Variants in CCDC12 observed in about 807,000 individuals in gnomAD.
CCDC12 encodes the protein coiled-coil domain-containing protein 12.
CCDC12 carries 28 observed loss-of-function variants against 25.7 expected under a neutral mutation model. That is an observed-to-expected ratio of 1.09 (90% confidence interval 0.81 to 1.50). The LOEUF (loss-of-function observed/expected upper bound fraction) is 1.50, where lower values mean the gene tolerates loss of function less well. Among genes scored for constraint, CCDC12 ranks in the 40% most tolerant of loss-of-function variants. The pLI, the probability that CCDC12 is intolerant of heterozygous loss-of-function variation, is 0.00. For missense variants in CCDC12, 198 were observed against 210.0 expected, an observed-to-expected ratio of 0.94 and a Z score of 0.35; for synonymous variants, 75 against 87.7, an observed-to-expected ratio of 0.86 and a Z score of 0.81.
intron 1 of CCDC12, among the ~76,000 whole-genome samples, chr3:46,973,789 T>C (rs2034882925): frequency 6.6e-6 from 1 of 151,980 alleles, no homozygotes; most frequent in Admixed American, 6.5e-5. Flanking sequence ...ATTTTTTGTA[T>C]TTTTAATAGA....
upstream of CCDC12, among the ~76,000 whole-genome samples, chr3:46,978,853 C>G (rs1379738525): frequency 6.6e-6 from 1 of 152,086 alleles, no homozygotes; most frequent in Non-Finnish European, 1.5e-5. Context: ...CCTGGTGACA[C>G]GCGCCTGTAG....
chr3:46,976,484 G>A (rs760594030), intron 1 of CCDC12, 153 bp downstream of exon 1: 39 of 1,435,588 alleles, frequency 2.7e-5, no homozygotes, highest in Admixed American at 1.7e-4. Context: ...CAGACATCGT[G>A]GGAGGGCGCC....
intron 2 of CCDC12, among the ~76,000 whole-genome samples, chr3:46,938,162 T>C (rs1230464731): frequency 6.7e-6 from 1 of 148,572 alleles, no homozygotes; most frequent in Non-Finnish European, 1.5e-5. Flanking sequence ...CCCAATTCAA[T>C]GTCCAGCATG....
intron 6 of CCDC12, 41 bp downstream of exon 6, chr3:46,922,194 AC>A (rs1165877159): frequency 1.2e-6 from 2 of 1,614,008 alleles, no homozygotes; most frequent in South Asian, 2.2e-5. Context: ...TTGGGCCACC[AC>A]CCAGTGGGCA....
At chr3:46,948,346 G>A (rs57313197) in intron 1 of CCDC12, among the ~76,000 whole-genome samples, 10,435 of 152,234 alleles carry the variant, frequency 0.069, 1,200 homozygotes, top group African/African-American at 0.23. Flanking sequence ...AGCGCTGAGC[G>A]GGAGGCTGGG....
chr3:46,976,337 A>G (rs1057351829), intron 1 of CCDC12: 7 of 1,300,362 alleles, frequency 5.4e-6, no homozygotes, highest in Admixed American at 7.0e-5. Context: ...ACCTACAGGC[A>G]GCCCTAGATA....
rs149729715 is a variant in CCDC12, at chr3:46,962,539, A to T, written c.96+14098T>A. On this transcript the variant is annotated intron_variant, in intron 1 of 6. Coordinates refer to ENST00000683445, the MANE Select transcript of CCDC12 (RefSeq NM_001277074.2). ...CACATACACAGAACAAAGGACACAT[A>T]AGGAACTTCTAGAAATCAATAGGAA... is the stretch of plus-strand genomic sequence containing the variant. 7.0e-3 allele frequency among the ~76,000 whole-genome samples: 1,061 copies of T among 152,252 alleles called. 14 individuals carry two copies. The highest frequency in any genetic ancestry group is 0.024 in the African/African-American group (1,006 of 41,544).
intron 1 of CCDC12, among the ~76,000 whole-genome samples, chr3:46,946,861 C>G (rs2033927765): frequency 1.3e-5 from 2 of 152,128 alleles, no homozygotes; most frequent in Non-Finnish European, 2.9e-5. Flanking sequence ...GAGGAATAAG[C>G]CCCTCCCTCT....
intron 1 of CCDC12, among the ~76,000 whole-genome samples, chr3:46,966,838 G>C (rs1449124517): frequency 2.0e-5 from 3 of 152,142 alleles, no homozygotes; most frequent in African/African-American, 7.2e-5. Flanking sequence ...GAAACAGCTG[G>C]ACCAAGCTCA....
At chr3:46,939,446 G>C (rs2033605276) in intron 2 of CCDC12, among the ~76,000 whole-genome samples, 1 of 151,962 alleles carries the variant, frequency 6.6e-6, no homozygotes. Context: ...TCCAGTTTTT[G>C]AGAAACTAAG....
intron 1 of CCDC12, among the ~76,000 whole-genome samples, chr3:46,949,202 G>T (rs779598616): frequency 4.6e-5 from 7 of 152,164 alleles, no homozygotes; most frequent in Non-Finnish European, 1.0e-4. Flanking sequence ...TTTTTGGGTG[G>T]CATTAAGAGG....
At chr3:46,952,651 T>C (rs770056342) in intron 1 of CCDC12, among the ~76,000 whole-genome samples, 4 of 152,244 alleles carry the variant, frequency 2.6e-5, no homozygotes, top group Non-Finnish European at 4.4e-5. Flanking sequence ...CGAACCCAAA[T>C]GTCACTCTTC....
chr3:46,921,819 C>A lies in CCDC12; in HGVS notation c.*238G>T, dbSNP rs2032690956. The stretch of plus-strand genomic sequence containing the variant: ...ACATATATACAGACATATGTACATC[C>A]ACATGTGCAGACACAGGCACGCCCA... On this transcript the variant is annotated 3_prime_UTR_variant, in exon 7 of 7. Transcript: ENST00000683445. The A allele has an allele frequency of 1.2e-5, 7 of 585,716 alleles. No homozygotes were observed. The highest frequency in any genetic ancestry group is 2.1e-5 in the Non-Finnish European group (7 of 327,812). 36.3% of individuals were successfully genotyped at this position (585,716 alleles called of 1,614,324 possible).
At chr3:46,957,670 G>A (rs904890472) in intron 1 of CCDC12, among the ~76,000 whole-genome samples, 1 of 152,104 alleles carries the variant, frequency 6.6e-6, no homozygotes, top group Non-Finnish European at 1.5e-5. Context: ...CCAGGGCGGC[G>A]GTGGCTCATG....
At position 46,954,436 on chromosome 3, in the gene CCDC12, A is replaced by G. The variant is rs537153550; in HGVS notation, c.97-13371T>C. On this transcript the variant is annotated intron_variant, in intron 1 of 6. Transcript: ENST00000683445. ...TGATACCCTTTCGCCTCCCACACACACCCTAGTCCCATGGCCCTGTTTACA... is the reference window on the plus strand; with the variant it reads ...TGATACCCTTTCGCCTCCCACACACGCCCTAGTCCCATGGCCCTGTTTACA... Among the ~76,000 whole-genome samples, 10 of 152,130 alleles carry G rather than the reference A, an allele frequency of 6.6e-5. No individual in the cohort carries two copies. The East Asian group carries it at 1.9e-3, about 29-fold the overall frequency.
At position 46,940,994 on chromosome 3, in the gene CCDC12, T is replaced by G; in HGVS notation, c.164+4A>C. 6.2e-7 allele frequency: 1 copy of G among 1,613,910 alleles called. No homozygotes were observed. On this transcript the variant is annotated splice_donor_region_variant and intron_variant, in intron 2 of 6. Coordinates refer to ENST00000683445, the MANE Select transcript of CCDC12 (RefSeq NM_001277074.2). ...CAGACCCTGGAGCTGCACACGGGCA[T>G]TACCTGTGCTTCTCGCCTTCTTCCT...
At chr3:46,944,560 C>T (rs1466272) in intron 1 of CCDC12, among the ~76,000 whole-genome samples, 142,304 of 151,818 alleles carry the variant, frequency 0.94, 67,417 homozygotes, top group East Asian at 1. Flanking sequence ...CCCCACTCCC[C>T]ACTCAATACC....
chr3:46,921,986 GC>G lies in CCDC12; in HGVS notation c.*70del. On this transcript the variant is annotated 3_prime_UTR_variant, in exon 7 of 7. Transcript: ENST00000683445. ...CAAACTGGAGGTGATGGCAAGCCTA[GC>G]CCCCATCCCTGCCCAAGACCATCCT... 4.6e-6 allele frequency: 7 copies of G among 1,533,712 alleles called. No homozygotes were observed. The South Asian group carries it at 8.0e-5, about 17-fold the overall frequency.
intron 1 of CCDC12, among the ~76,000 whole-genome samples, chr3:46,972,589 A>G (rs2034836717): frequency 6.6e-6 from 1 of 152,146 alleles, no homozygotes; most frequent in Non-Finnish European, 1.5e-5. Context: ...CAAAACCACA[A>G]TGGGATACCA....
Sources: gnomAD v4.1 joint callset for allele counts (sites outside exome capture counted in the v4.1 genomes callset) on GRCh38, gnomAD v4.1.1 for gene constraint, MANE v1.5 for transcripts, NCBI Gene and HGNC (gene_info 2026-07-23, HGNC 2026-07-21) for gene names.